The following CNTN5 variants were observed in gnomAD, a reference collection of about 807,000 sequenced individuals.
CNTN5 encodes the protein contactin 5, also known as contactin-5.
CNTN5 carries 77 observed loss-of-function variants against 129.1 expected under a neutral mutation model. The observed-to-expected ratio is 0.60, with a 90% CI of 0.50 to 0.72. CNTN5 has a LOEUF of 0.72. Ranked by LOEUF, CNTN5 falls within the 30% of genes least tolerant of loss-of-function variation. The pLI is 0.00. For missense variants in CNTN5, 1,478 were observed against 1,328.8 expected (o/e 1.11, Z -1.75); for synonymous variants, 509 against 465.6 (o/e 1.09, Z -1.20).
At chr11:99,771,259 C>G (rs911182521) in intron 3 of CNTN5, among the ~76,000 whole-genome samples, 2 of 152,016 alleles carry the variant, frequency 1.3e-5, no homozygotes, top group African/African-American at 4.8e-5. Flanking sequence ...ATGCTGAAGA[C>G]ATAGCTATAC....
chr11:100,332,421 T>C (rs1951924143), intron 21 of CNTN5, among the ~76,000 whole-genome samples: 1 of 152,086 alleles, frequency 6.6e-6, no homozygotes, highest in South Asian at 2.1e-4. Flanking sequence ...GAAGAATTGG[T>C]ACCAATTCTA....
chr11:99,384,724 G>T (rs1940816286), intron 2 of CNTN5, among the ~76,000 whole-genome samples: 1 of 152,090 alleles, frequency 6.6e-6, no homozygotes, highest in South Asian at 2.1e-4. Context: ...TTCTTGAATA[G>T]TCCTTCCCCT....
intron 6 of CNTN5, among the ~76,000 whole-genome samples, chr11:99,915,194 T>G (rs753585683): frequency 6.6e-6 from 1 of 152,076 alleles, no homozygotes; most frequent in Non-Finnish European, 1.5e-5. Context: ...AATAAAGTAG[T>G]CTAAAAGTTG....
intron 3 of CNTN5, among the ~76,000 whole-genome samples, chr11:99,653,230 A>G (rs1252002576): frequency 6.6e-6 from 1 of 152,002 alleles, no homozygotes; most frequent in Non-Finnish European, 1.5e-5. Flanking sequence ...GATTTGTACT[A>G]CTAAACTGTA....
At chr11:99,675,591 A>G (rs150187823) in intron 3 of CNTN5, among the ~76,000 whole-genome samples, 2 of 152,148 alleles carry the variant, frequency 1.3e-5, no homozygotes, top group Non-Finnish European at 2.9e-5. Context: ...AGGCTGAGGT[A>G]GGAGAGTTGC....
intron 1 of CNTN5, among the ~76,000 whole-genome samples, chr11:99,212,367 T>C (rs1377009338): frequency 6.6e-6 from 1 of 152,176 alleles, no homozygotes; most frequent in Non-Finnish European, 1.5e-5. Context: ...GCATGGGTTG[T>C]GGGGGAAGTT....
intron 17 of CNTN5, 137 bp downstream of exon 17, chr11:100,256,055 T>A: frequency 1.3e-6 from 1 of 784,374 alleles, no homozygotes; most frequent in Non-Finnish European, 2.0e-6. Flanking sequence ...GACAATTCTT[T>A]GCTTCTTTTT....
At chr11:99,188,255 T>C (rs1356874282) in intron 1 of CNTN5, among the ~76,000 whole-genome samples, 1 of 151,844 alleles carries the variant, frequency 6.6e-6, no homozygotes, top group Non-Finnish European at 1.5e-5. Flanking sequence ...CATGTATATA[T>C]GTCACTTCCT....
intron 1 of CNTN5, among the ~76,000 whole-genome samples, 151 bp from the exon 2 acceptor site, chr11:99,325,195 T>A (rs1865731493): frequency 1.3e-5 from 2 of 152,136 alleles, no homozygotes; most frequent in South Asian, 4.1e-4. Context: ...AGAAGCTGTA[T>A]GTGTTTATAT....
At chr11:100,082,152 T>C (rs1944390615) in intron 13 of CNTN5, among the ~76,000 whole-genome samples, 1 of 152,136 alleles carries the variant, frequency 6.6e-6, no homozygotes, top group Non-Finnish European at 1.5e-5. Context: ...AATAAGTTAA[T>C]AAATATCAGG....
At chr11:99,820,088 C>T (rs977825876) in intron 4 of CNTN5, among the ~76,000 whole-genome samples, 2 of 152,102 alleles carry the variant, frequency 1.3e-5, no homozygotes, top group African/African-American at 4.8e-5. Context: ...GGAGAGCTCC[C>T]AGGCCTTGAG....
At chr11:99,725,292 T>C (rs1328642546) in intron 3 of CNTN5, among the ~76,000 whole-genome samples, 1 of 152,148 alleles carries the variant, frequency 6.6e-6, no homozygotes, top group African/African-American at 2.4e-5. Flanking sequence ...TGCGTAGGTA[T>C]GGATTTTTTG....
At chr11:99,398,107 C>A (rs1368244211) in intron 2 of CNTN5, among the ~76,000 whole-genome samples, 1 of 151,866 alleles carries the variant, frequency 6.6e-6, no homozygotes, top group Non-Finnish European at 1.5e-5. Flanking sequence ...CATCCATTGA[C>A]TTTATTCCTT....
chr11:99,711,634 C>A (rs1332424362), intron 3 of CNTN5, among the ~76,000 whole-genome samples: 1 of 151,896 alleles, frequency 6.6e-6, no homozygotes, highest in Non-Finnish European at 1.5e-5. Flanking sequence ...CTCCCCTAGC[C>A]CCCCACCCCT....
At chr11:99,656,860 C>T (rs1287316880) in intron 3 of CNTN5, among the ~76,000 whole-genome samples, 1 of 151,750 alleles carries the variant, frequency 6.6e-6, no homozygotes, top group East Asian at 1.9e-4. Context: ...AAATACCCAC[C>T]AGAACGTATT....
At chr11:99,619,711 C>T (rs185346505) in intron 3 of CNTN5, among the ~76,000 whole-genome samples, 133 of 152,094 alleles carry the variant, frequency 8.7e-4, no homozygotes, top group Non-Finnish European at 1.6e-3. Context: ...TCTTTCAGGT[C>T]TTACATAAAA....
At chr11:99,463,621 T>A (rs959578810) in intron 2 of CNTN5, among the ~76,000 whole-genome samples, 6 of 152,060 alleles carry the variant, frequency 3.9e-5, no homozygotes, top group African/African-American at 1.4e-4. Flanking sequence ...ATAGAGAATC[T>A]GAGACAGAAT....
intron 2 of CNTN5, among the ~76,000 whole-genome samples, chr11:99,486,417 A>T (rs1945813889): frequency 6.6e-6 from 1 of 152,156 alleles, no homozygotes; most frequent in Non-Finnish European, 1.5e-5. Flanking sequence ...CATAACAAAT[A>T]ATGGGTTCCC....
chr11:99,519,305 C>T (rs1947181841), intron 2 of CNTN5, among the ~76,000 whole-genome samples: 1 of 152,064 alleles, frequency 6.6e-6, no homozygotes, highest in African/African-American at 2.4e-5. Context: ...AATTCCTCTA[C>T]TGTCTTTCTT....
Sources: gnomAD v4.1 joint callset for allele counts (sites outside exome capture counted in the v4.1 genomes callset) on GRCh38, gnomAD v4.1.1 for gene constraint, MANE v1.5 for transcripts, NCBI Gene and HGNC (gene_info 2026-07-23, HGNC 2026-07-21) for gene names.